ZFP64: variants seen among roughly 807,000 people sequenced by gnomAD.
ZFP64 encodes the protein zinc finger protein 64.
In ZFP64, 14 loss-of-function variants were observed where a neutral mutation model predicts 51.6. The ratio of observed to expected loss-of-function variants is 0.27; its 90% CI spans 0.18 to 0.42. The LOEUF (loss-of-function observed/expected upper bound fraction) is 0.42. ZFP64 is among the 10% of genes least tolerant of loss of function. The pLI, the probability that ZFP64 is intolerant of heterozygous loss-of-function variation, is 1.00. For synonymous variants in ZFP64, 375 were observed against 361.4 expected (o/e 1.04, Z -0.43); for missense variants, 754 against 906.8 (o/e 0.83, Z 2.16).
intron 4 of ZFP64, among the ~76,000 whole-genome samples, chr20:52,162,486 G>A (rs1352521619): frequency 6.6e-6 from 1 of 151,868 alleles, no homozygotes; most frequent in Non-Finnish European, 1.5e-5. Flanking sequence ...AACTAGCCGG[G>A]CGTGGTGGCA....
At chr20:52,155,382 A>C (rs1307820827) in intron 5 of ZFP64, among the ~76,000 whole-genome samples, 2 of 151,568 alleles carry the variant, frequency 1.3e-5, no homozygotes, top group African/African-American at 4.9e-5. Context: ...ACCCCCATTC[A>C]AGGACCTCCT....
In ZFP64 at chr20:52,164,773, A is replaced by C; in HGVS notation, c.449-16T>G. The C allele has an allele frequency of 6.6e-7, 1 of 1,518,576 alleles. No homozygotes were observed. The highest frequency in any genetic ancestry group is 9.1e-7 in the Non-Finnish European group (1 of 1,096,916). 94.1% of individuals were successfully genotyped at this position (1,518,576 alleles called of 1,614,324 possible). On this transcript the variant is annotated splice_polypyrimidine_tract_variant and intron_variant, in intron 3 of 5. Transcript: ENST00000216923. The stretch of plus-strand genomic sequence containing the variant: ...AATTGGCAACCTAAAAAAAAAAAGG[A>C]AAGATTAATTACAAAGGAAAACTTA...
chr20:52,163,887 ACTTTTTT>A (rs1431963944), intron 4 of ZFP64, among the ~76,000 whole-genome samples: 2 of 152,224 alleles, frequency 1.3e-5, no homozygotes, highest in Non-Finnish European at 2.9e-5. Flanking sequence ...AGAAATCATC[ACTTTTTT>A]CTTTTCCCAT....
intron 7 of ZFP64, among the ~76,000 whole-genome samples, chr20:52,093,638 T>A (rs2078953389): frequency 6.6e-6 from 1 of 152,250 alleles, no homozygotes; most frequent in Non-Finnish European, 1.5e-5. Context: ...CGTACCACAT[T>A]ACACTCATTG....
intron 5 of ZFP64, among the ~76,000 whole-genome samples, chr20:52,122,934 G>C (rs1979264730): frequency 6.6e-6 from 1 of 152,142 alleles, no homozygotes; most frequent in Non-Finnish European, 1.5e-5. Context: ...GACAACAAAG[G>C]GTTTAGAATA....
intron 2 of ZFP64, among the ~76,000 whole-genome samples, chr20:52,178,524 C>T (rs1983399227): frequency 6.6e-6 from 1 of 152,110 alleles, no homozygotes; most frequent in Admixed American, 6.5e-5. Context: ...TGGCAATCAC[C>T]ACATAGTTTG....
intron 1 of ZFP64, among the ~76,000 whole-genome samples, chr20:52,189,537 A>T (rs1984223215): frequency 6.6e-6 from 1 of 150,438 alleles, no homozygotes; most frequent in Non-Finnish European, 1.5e-5. Flanking sequence ...GTGCAAGGGC[A>T]CGATCTCAGC....
Position 52,151,792 on chromosome 20 carries a change from C to T in ZFP64, c.*354G>A, listed in dbSNP as rs559459022. On this transcript the variant is annotated 3_prime_UTR_variant, in exon 6 of 6. Transcript: ENST00000216923. ...CACGGCCAGGCATGGTGGCTCACACCTGTAATCCCAGCACTTTGGGAGGCT... is the reference window on the plus strand; with the variant it reads ...CACGGCCAGGCATGGTGGCTCACACTTGTAATCCCAGCACTTTGGGAGGCT... The T allele has an allele frequency of 8.7e-5, 93 of 1,064,620 alleles. No individual in the cohort carries two copies. The South Asian group carries it at 2.8e-3, about 32-fold the overall frequency. The allele number at this position is 1,064,620 out of a possible 1,614,324, so 65.9% of individuals were successfully genotyped here.
chr20:52,104,352 G>C (rs954188186), intron 5 of ZFP64, among the ~76,000 whole-genome samples: 4 of 152,148 alleles, frequency 2.6e-5, no homozygotes, highest in Non-Finnish European at 4.4e-5. Flanking sequence ...AATGCTGCCC[G>C]GGGGGCTTAA....
At position 52,088,537 on chromosome 20, in the gene ZFP64, G is replaced by T. The variant is rs141646993; in HGVS notation, c.1083C>A (p.His361Gln). 81 of 1,614,204 alleles carry T rather than the reference G, an allele frequency of 5.0e-5. No homozygotes were observed. Among genetic ancestry groups the T allele is most frequent in the Non-Finnish European group, 6.5e-5 (77 of 1,180,036 alleles). The change falls in exon 8 of 9, where the codon CAC (histidine) becomes CAA (glutamine). Residue 361 changes from histidine to glutamine, a missense_variant. His to Gln is a conservative substitution (Grantham distance 24). Coordinates refer to the ZFP64 transcript ENST00000361387. ...TGTCCACGGCAGCGTAGTCACACAG[G>T]TGACACTTGTGTGGCTTCACACTGG...
chr20:52,165,246 A>T, intron 3 of ZFP64: 1 of 456,438 alleles, frequency 2.2e-6, no homozygotes, highest in South Asian at 1.5e-5. Flanking sequence ...AGTTCCTATA[A>T]ATGTTAATTT....
chr20:52,176,399 G>T (rs1390036761), intron 2 of ZFP64, among the ~76,000 whole-genome samples: 1 of 152,064 alleles, frequency 6.6e-6, no homozygotes, highest in Non-Finnish European at 1.5e-5. Flanking sequence ...CTGATCAGCA[G>T]TTCTGGGTGG....
chr20:52,104,729 C>T (rs1449679842), intron 5 of ZFP64: 2 of 494,464 alleles, frequency 4.0e-6, no homozygotes, highest in Non-Finnish European at 8.3e-6. Context: ...CCCTGGACAA[C>T]GCATTTGAAA....
intron 2 of ZFP64, among the ~76,000 whole-genome samples, chr20:52,174,207 C>T (rs762562775): frequency 1.4e-4 from 21 of 150,594 alleles, no homozygotes; most frequent in Non-Finnish European, 2.1e-4. Flanking sequence ...ATTTTAGGGC[C>T]GGGAGCGGTG....
chr20:52,106,582 G>T (rs1391822109), intron 5 of ZFP64, among the ~76,000 whole-genome samples: 3 of 152,106 alleles, frequency 2.0e-5, no homozygotes, highest in Non-Finnish European at 4.4e-5. Context: ...TGCGAGAACG[G>T]CATTTTTGCT....
chr20:52,086,232 G>C (rs2078862485), intron 8 of ZFP64, among the ~76,000 whole-genome samples: 1 of 152,120 alleles, frequency 6.6e-6, no homozygotes, highest in Non-Finnish European at 1.5e-5. Flanking sequence ...TGGTGACTGG[G>C]AATGTGATAT....
At chr20:52,154,395 C>T (rs1981136883) in intron 5 of ZFP64, among the ~76,000 whole-genome samples, 1 of 152,152 alleles carries the variant, frequency 6.6e-6, no homozygotes, top group African/African-American at 2.4e-5. Flanking sequence ...ATAACTTGTT[C>T]TTGGTCGCCC....
At chr20:52,180,989 C>G (rs940656131) in intron 2 of ZFP64, among the ~76,000 whole-genome samples, 1 of 151,968 alleles carries the variant, frequency 6.6e-6, no homozygotes, top group Non-Finnish European at 1.5e-5. Context: ...TGCAATGGCA[C>G]GATCTCCACT....
intron 2 of ZFP64, among the ~76,000 whole-genome samples, chr20:52,170,803 C>G (rs1226922473): frequency 2.6e-5 from 4 of 152,190 alleles, no homozygotes; most frequent in Admixed American, 2.0e-4. Context: ...GCACTAGAAA[C>G]AGAGCAGTGA....
Sources: gnomAD v4.1 joint callset for allele counts (sites outside exome capture counted in the v4.1 genomes callset) on GRCh38, gnomAD v4.1.1 for gene constraint, MANE v1.5 for transcripts, NCBI Gene and HGNC (gene_info 2026-07-23, HGNC 2026-07-21) for gene names.